Variants in TBC1D30 observed in about 807,000 individuals in gnomAD.
TBC1D30 encodes the protein TBC1 domain family member 30, also known as TBC1 domain family, member 30.
In TBC1D30, 31 loss-of-function variants were observed where a neutral mutation model predicts 63.2. The observed-to-expected ratio is 0.49, with a 90% CI of 0.37 to 0.66. TBC1D30 has a LOEUF of 0.66. Ranked by LOEUF, TBC1D30 falls within the 30% of genes least tolerant of loss-of-function variation. The pLI, the probability that TBC1D30 is intolerant of heterozygous loss-of-function variation, is 0.00. For synonymous variants in TBC1D30, 307 were observed against 361.5 expected (o/e 0.85, Z 1.71); for missense variants, 810 against 953.6 (o/e 0.85, Z 1.98).
In TBC1D30 at chr12:64,840,004, C is replaced by CAAAAAAAAAAA. The variant is rs60440376; in HGVS notation, c.932+1167_932+1177dup. 2.6e-4 allele frequency among the ~76,000 whole-genome samples: 26 copies of CAAAAAAAAAAA among 98,318 alleles called. 2 individuals are homozygous for CAAAAAAAAAAA. Among genetic ancestry groups the CAAAAAAAAAAA allele is most frequent in the African/African-American group, 1.3e-3 (25 of 19,328 alleles). 64.5% of individuals were successfully genotyped at this position (98,318 alleles called of 152,430 possible). On this transcript the variant is annotated intron_variant, in intron 7 of 11. Coordinates refer to ENST00000539867, the MANE Select transcript of TBC1D30 (RefSeq NM_015279.2). ...TGGACGACAGAGCAAGACTCTGTCT[C>CAAAAAAAAAAA]AAAAAAAAAAAAAAAAAAAAAAAAT...
At chr12:64,863,796 C>G (rs554452709) in intron 8 of TBC1D30, among the ~76,000 whole-genome samples, 1 of 152,154 alleles carries the variant, frequency 6.6e-6, no homozygotes, top group Non-Finnish European at 1.5e-5. Context: ...TAAAAACAGT[C>G]CTGCTGAAAT....
chr12:64,836,586 T>A lies in TBC1D30; in HGVS notation c.691T>A (p.Leu231Ile). The change falls in exon 6 of 12, where the codon TTA becomes ATA. Residue 231 changes from leucine (L) to isoleucine (I), a missense_variant. By Grantham distance (5) the Leu-to-Ile change is conservative. Transcript: ENST00000539867. ...SVDMAVFRDLLRMKLPELSQH... is the reference protein window; with the variant it reads ...SVDMAVFRDLIRMKLPELSQH... ...GGATATGGCTGTCTTCAGAGACCTT[T>A]TAAGAATGAAGCTGCCGGAATTATC... The A allele has an allele frequency of 6.5e-7, 1 of 1,535,990 alleles. No homozygotes were observed.
At chr12:64,769,606 T>G (rs1870836003) in intron 1 of TBC1D30, among the ~76,000 whole-genome samples, 1 of 151,542 alleles carries the variant, frequency 6.6e-6, no homozygotes, top group Non-Finnish European at 1.5e-5. Flanking sequence ...CAGGCTGGTC[T>G]TGAATTCCTG....
Position 64,832,133 on chromosome 12 carries a change from A to G in TBC1D30, c.423A>G (p.Thr141=). Reference sequence around the variant, plus strand: ...CTTCCATTTAGGACCTTCACCGCACAGGCTGTAGTTCTTACTGTGGCCAGG... The same window carrying G: ...CTTCCATTTAGGACCTTCACCGCACGGGCTGTAGTTCTTACTGTGGCCAGG... ...GIQIVKDLHR[T]GCSSYCGQEA... The change falls in exon 5 of 12, where the codon ACA becomes ACG. Residue 141 remains threonine, a synonymous_variant. Transcript: ENST00000539867. 1 of 1,534,816 alleles carries G rather than the reference A, an allele frequency of 6.5e-7. No homozygotes were observed. Among genetic ancestry groups the G allele is most frequent in the Non-Finnish European group, 8.7e-7 (1 of 1,146,056 alleles).
At chr12:64,817,232 T>C (rs1393368826) in intron 2 of TBC1D30, among the ~76,000 whole-genome samples, 1 of 152,154 alleles carries the variant, frequency 6.6e-6, no homozygotes, top group Non-Finnish European at 1.5e-5. Flanking sequence ...CACAGCGCCA[T>C]TTTAGCCTCT....
chr12:64,789,195 T>G (rs1275164990), intron 2 of TBC1D30, among the ~76,000 whole-genome samples: 1 of 150,068 alleles, frequency 6.7e-6, no homozygotes, highest in Admixed American at 6.6e-5. Context: ...TTTTTTTTTT[T>G]TTTTGGAGAC....
intron 5 of TBC1D30, among the ~76,000 whole-genome samples, chr12:64,835,640 C>G (rs1875280793): frequency 6.6e-6 from 1 of 152,084 alleles, no homozygotes. Context: ...GAACTGCAAA[C>G]AAAGAAAGTA....
chr12:64,807,163 G>T (rs919671267), intron 2 of TBC1D30, among the ~76,000 whole-genome samples: 1 of 152,162 alleles, frequency 6.6e-6, no homozygotes, highest in South Asian at 2.1e-4. Context: ...CTCCCATGCT[G>T]TTCTTATGAT....
At chr12:64,827,309 C>T (rs929898325) in intron 1 of TBC1D30, among the ~76,000 whole-genome samples, 2 of 152,076 alleles carry the variant, frequency 1.3e-5, no homozygotes, top group Non-Finnish European at 2.9e-5. Context: ...ATTAGCTGTG[C>T]GTGGTAGCAC....
chr12:64,775,521 A>G (rs1871050766), upstream of TBC1D30, among the ~76,000 whole-genome samples: 1 of 152,162 alleles, frequency 6.6e-6, no homozygotes, highest in Non-Finnish European at 1.5e-5. Flanking sequence ...ACAAAGATAA[A>G]AAAAGACAAA....
chr12:64,850,782 G>A (rs893376614), intron 8 of TBC1D30, among the ~76,000 whole-genome samples: 3 of 152,070 alleles, frequency 2.0e-5, no homozygotes, highest in African/African-American at 4.8e-5. Context: ...GATGATGCTG[G>A]TCTCATAAAA....
At chr12:64,824,184 T>TC (rs1449149238), upstream of TBC1D30, among the ~76,000 whole-genome samples, 1 of 152,178 alleles carries the variant, frequency 6.6e-6, no homozygotes, top group Non-Finnish European at 1.5e-5. Context: ...ACACTTTTTT[T>TC]CTGGAAGCCC....
At chr12:64,804,040 G>A (rs550869786) in intron 2 of TBC1D30, among the ~76,000 whole-genome samples, 1 of 152,082 alleles carries the variant, frequency 6.6e-6, no homozygotes, top group Admixed American at 6.6e-5. Flanking sequence ...TGTGAAGAAA[G>A]TCATTGATGG....
chr12:64,802,499 TTTC>T (rs1237335209), intron 2 of TBC1D30, among the ~76,000 whole-genome samples: 1 of 152,152 alleles, frequency 6.6e-6, no homozygotes, highest in Non-Finnish European at 1.5e-5. Context: ...TCTTTCTTTC[TTTC>T]TTTTTATTAT....
At chr12:64,789,419 A>C (rs1248115331) in intron 2 of TBC1D30, among the ~76,000 whole-genome samples, 1 of 152,032 alleles carries the variant, frequency 6.6e-6, no homozygotes, top group East Asian at 1.9e-4. Flanking sequence ...CCTGGGCTCA[A>C]GCAATCTGCC....
intron 1 of TBC1D30, among the ~76,000 whole-genome samples, chr12:64,761,040 T>C (rs1358296027): frequency 6.6e-6 from 1 of 151,988 alleles, no homozygotes; most frequent in Non-Finnish European, 1.5e-5. Flanking sequence ...ACTGAAGTAG[T>C]TTTTCTGCAA....
At chr12:64,850,277 C>A (rs1006804535) in intron 8 of TBC1D30, among the ~76,000 whole-genome samples, 1 of 152,114 alleles carries the variant, frequency 6.6e-6, no homozygotes, top group Non-Finnish European at 1.5e-5. Flanking sequence ...TTTTTCTTGC[C>A]TGATTGCCCT....
upstream of TBC1D30, among the ~76,000 whole-genome samples, chr12:64,824,103 A>G (rs1361872420): frequency 4.0e-5 from 6 of 151,672 alleles, no homozygotes; most frequent in Non-Finnish European, 8.8e-5. Flanking sequence ...ATGATGGGCA[A>G]TAGTTCAGAA....
intron 3 of TBC1D30, among the ~76,000 whole-genome samples, chr12:64,828,777 A>AT (rs1190059230): frequency 6.6e-6 from 1 of 152,198 alleles, no homozygotes; most frequent in Non-Finnish European, 1.5e-5. Flanking sequence ...TCAGATGGTA[A>AT]TAAGTGCCAT....
Sources: gnomAD v4.1 joint callset for allele counts (sites outside exome capture counted in the v4.1 genomes callset) on GRCh38, gnomAD v4.1.1 for gene constraint, MANE v1.5 for transcripts, NCBI Gene and HGNC (gene_info 2026-07-23, HGNC 2026-07-21) for gene names.